Variants in TRPM3 observed in about 807,000 individuals in gnomAD.
TRPM3 encodes transient receptor potential cation channel subfamily M member 3, also known as long transient receptor potential channel 3.
TRPM3 carries 77 observed loss-of-function variants against 181.2 expected under a neutral mutation model. The ratio of observed to expected loss-of-function variants is 0.42; its 90% CI spans 0.35 to 0.51. The LOEUF is 0.51. TRPM3 is among the 20% of genes least tolerant of loss of function. The pLI is 0.01. For synonymous variants in TRPM3, 745 were observed against 796.4 expected (o/e 0.94, Z 1.09); for missense variants, 1,759 against 2,196.7 (o/e 0.80, Z 3.98).
rs910294371 is a variant in TRPM3 at position 70,533,735 on chromosome 9, A to G, written c.*2218T>C. On this transcript the variant is annotated 3_prime_UTR_variant, in exon 26 of 26. Coordinates refer to ENST00000677713, the MANE Select transcript of TRPM3 (RefSeq NM_001366145.2). ...AGGGAAATAGCCAGCGTGGGGCCCA[A>G]TAAAATGTTAAGTGTTTCTAGAACA... is the stretch of plus-strand genomic sequence containing the variant. 17 of 152,304 alleles carry G rather than the reference A, an allele frequency of 1.1e-4. 2 individuals carry two copies. In the Middle Eastern group the frequency reaches 0.017, roughly 152 times the overall value. The allele number at this position is 152,304 out of a possible 1,614,324, so 9.4% of individuals were successfully genotyped here. A position where few individuals can be genotyped will look rare whatever the true frequency, so the allele number is the denominator to read the frequency against.
chr9:71,182,171 A>ATT, intron 1 of TRPM3, among the ~76,000 whole-genome samples: 1 of 152,194 alleles, frequency 6.6e-6, no homozygotes, highest in African/African-American at 2.4e-5. Context: ...TTTTTTCTCA[A>ATT]ACATGTATTT....
chr9:70,574,086 G>GCA (rs1564388458), intron 22 of TRPM3, among the ~76,000 whole-genome samples: 1 of 77,534 alleles, frequency 1.3e-5, no homozygotes, highest in African/African-American at 4.0e-5. Flanking sequence ...ACACACACAC[G>GCA]CGCGCGCACA....
At chr9:70,758,610 A>G (rs2077511201) in intron 8 of TRPM3, among the ~76,000 whole-genome samples, 2 of 152,356 alleles carry the variant, frequency 1.3e-5, no homozygotes, top group African/African-American at 4.8e-5. Flanking sequence ...CCATAACAGC[A>G]TGGTAGTGGT....
At chr9:71,053,666 A>G (rs569206985) in intron 1 of TRPM3, among the ~76,000 whole-genome samples, 29 of 152,282 alleles carry the variant, frequency 1.9e-4, no homozygotes, top group African/African-American at 6.0e-4. Flanking sequence ...CTAAGGGTCT[A>G]ACTGTCTCCT....
At chr9:71,220,490 A>G (rs2080174144) in intron 1 of TRPM3, among the ~76,000 whole-genome samples, 1 of 152,026 alleles carries the variant, frequency 6.6e-6, no homozygotes, top group African/African-American at 2.4e-5. Context: ...TTAAGGGCCA[A>G]CTGAAATTTT....
chr9:70,908,408 T>A (rs1022217711), intron 1 of TRPM3, among the ~76,000 whole-genome samples: 1 of 152,188 alleles, frequency 6.6e-6, no homozygotes, highest in African/African-American at 2.4e-5. Context: ...AACAACCAAA[T>A]GAGCTGGACA....
At chr9:70,678,658 T>C (rs1302971941) in intron 9 of TRPM3, among the ~76,000 whole-genome samples, 2 of 152,182 alleles carry the variant, frequency 1.3e-5, no homozygotes, top group Non-Finnish European at 2.9e-5. Flanking sequence ...CTTCCTAACT[T>C]CTGGTTCTCT....
At chr9:71,382,768 A>G (rs2092833629) in intron 1 of TRPM3, among the ~76,000 whole-genome samples, 1 of 151,938 alleles carries the variant, frequency 6.6e-6, no homozygotes, top group South Asian at 2.1e-4. Context: ...TTCTCAAATA[A>G]ATGATTAGCT....
At chr9:71,034,540 G>A (rs147255027) in intron 1 of TRPM3, among the ~76,000 whole-genome samples, 1 of 152,190 alleles carries the variant, frequency 6.6e-6, no homozygotes, top group East Asian at 1.9e-4. Flanking sequence ...TATCTAGGGT[G>A]TAAGGGTGGG....
intron 1 of TRPM3, among the ~76,000 whole-genome samples, chr9:70,960,598 A>G (rs1219414651): frequency 5.9e-5 from 9 of 152,194 alleles, no homozygotes. Flanking sequence ...GGGAGGCAGG[A>G]AAGTCTGAGG....
intron 1 of TRPM3, among the ~76,000 whole-genome samples, chr9:70,984,580 G>C (rs777277945): frequency 2.0e-5 from 3 of 152,212 alleles, no homozygotes; most frequent in Non-Finnish European, 2.9e-5. Flanking sequence ...AAATGGGCCA[G>C]TGACCAGAAA....
intron 1 of TRPM3, among the ~76,000 whole-genome samples, chr9:70,911,756 T>A (rs2096540505): frequency 6.6e-6 from 1 of 152,198 alleles, no homozygotes; most frequent in African/African-American, 2.4e-5. Context: ...AAATCTGTTT[T>A]CTCCTGTTTG....
intron 1 of TRPM3, among the ~76,000 whole-genome samples, chr9:71,423,324 A>C (rs1478639035): frequency 6.6e-6 from 1 of 152,176 alleles, no homozygotes. Flanking sequence ...TCTAAAAACC[A>C]ATCAAAATTT....
intron 6 of TRPM3, among the ~76,000 whole-genome samples, chr9:70,791,760 GTA>G (rs1344208773): frequency 6.6e-6 from 1 of 152,140 alleles, no homozygotes; most frequent in African/African-American, 2.4e-5. Flanking sequence ...GGTGCATAGT[GTA>G]TCTTTTCCTA....
chr9:71,055,769 CATAA>C (rs2060589861), intron 1 of TRPM3, among the ~76,000 whole-genome samples: 1 of 151,954 alleles, frequency 6.6e-6, no homozygotes, highest in Non-Finnish European at 1.5e-5. Flanking sequence ...TTTCTGAGTT[CATAA>C]ATAAATGTTG....
chr9:70,741,108 A>G (rs1471931525), intron 8 of TRPM3, among the ~76,000 whole-genome samples: 1 of 152,166 alleles, frequency 6.6e-6, no homozygotes, highest in Admixed American at 6.6e-5. Flanking sequence ...CAAACAAATC[A>G]GCAAGGAAAA....
chr9:70,871,157 A>C (rs1315409199), intron 1 of TRPM3, among the ~76,000 whole-genome samples: 1 of 151,884 alleles, frequency 6.6e-6, no homozygotes, highest in Non-Finnish European at 1.5e-5. Flanking sequence ...AGAAGGTGGG[A>C]GCTGAGTGGG....
intron 8 of TRPM3, among the ~76,000 whole-genome samples, chr9:70,684,576 T>G (rs1404506781): frequency 6.6e-6 from 1 of 151,614 alleles, no homozygotes; most frequent in South Asian, 2.1e-4. Context: ...TAATTATATA[T>G]TTTTCATATC....
intron 1 of TRPM3, among the ~76,000 whole-genome samples, chr9:71,138,404 AG>A (rs1259046669): frequency 2.6e-5 from 4 of 152,218 alleles, no homozygotes; most frequent in African/African-American, 9.6e-5. Flanking sequence ...CTCAGGACAC[AG>A]AGAAAAATGC....
Sources: allele counts gnomAD v4.1 joint callset (sites outside exome capture counted in the v4.1 genomes callset), GRCh38; gene constraint gnomAD v4.1.1; transcripts MANE v1.5; gene names NCBI Gene and HGNC (gene_info 2026-07-23, HGNC 2026-07-21).